Variants in P2RY12 observed in about 807,000 individuals in gnomAD.
P2RY12 encodes purinergic receptor P2Y12.
In P2RY12, 3 loss-of-function variants were observed where a neutral mutation model predicts 4.5. The ratio of observed to expected loss-of-function variants is 0.67; its 90% CI spans 0.31 to 1.74. P2RY12 has a LOEUF of 1.74. Ranked by LOEUF, P2RY12 falls within the 40% of genes most tolerant of loss-of-function variation. The pLI, the probability that P2RY12 is intolerant of heterozygous loss-of-function variation, is 0.09. For synonymous variants in P2RY12, 148 were observed against 154.1 expected (o/e 0.96, Z 0.29); for missense variants, 356 against 407.8 (o/e 0.87, Z 1.09).
chr3:151,368,137 C>T (rs1371518307), intron 1 of P2RY12: 2 of 1,609,524 alleles, frequency 1.2e-6, no homozygotes, highest in South Asian at 1.1e-5. Context: ...CTTTTCCAAT[C>T]CCCCTTTCCT....
intron 1 of P2RY12, among the ~76,000 whole-genome samples, chr3:151,347,724 AT>A (rs1752704595): frequency 6.6e-6 from 1 of 152,192 alleles, no homozygotes; most frequent in Non-Finnish European, 1.5e-5. Flanking sequence ...TAGCATGTGA[AT>A]TAACAGTAGT....
intron 1 of P2RY12, among the ~76,000 whole-genome samples, chr3:151,349,682 A>G (rs1472473320): frequency 6.6e-6 from 1 of 152,210 alleles, no homozygotes; most frequent in Non-Finnish European, 1.5e-5. Context: ...AGGCTTATGA[A>G]GAGATAACAT....
At chr3:151,382,182 G>A (rs1436724817) in intron 1 of P2RY12, among the ~76,000 whole-genome samples, 4 of 152,006 alleles carry the variant, frequency 2.6e-5, no homozygotes, top group Non-Finnish European at 4.4e-5. Context: ...AGTACCGTGC[G>A]TTCTCTTTAT....
intron 1 of P2RY12, among the ~76,000 whole-genome samples, chr3:151,343,152 T>A (rs1752087542): frequency 6.6e-6 from 1 of 152,150 alleles, no homozygotes; most frequent in East Asian, 1.9e-4. Flanking sequence ...TTCAATAAAA[T>A]AAGGACCATA....
intron 1 of P2RY12, among the ~76,000 whole-genome samples, chr3:151,366,506 G>A (rs940464819): frequency 6.6e-6 from 1 of 152,202 alleles, no homozygotes; most frequent in Admixed American, 6.5e-5. Context: ...ATGATGAAAA[G>A]ATACCCCTTG....
At chr3:151,373,165 G>A (rs551727499) in intron 1 of P2RY12, among the ~76,000 whole-genome samples, 1 of 151,922 alleles carries the variant, frequency 6.6e-6, no homozygotes, top group Admixed American at 6.6e-5. Context: ...TCATCTATAG[G>A]CCACAGTTCG....
chr3:151,343,167 C>G lies in P2RY12; in HGVS notation c.-179-2407G>C, dbSNP rs540736098. On this transcript the variant is annotated intron_variant, in intron 1 of 2. Coordinates refer to ENST00000302632, the MANE Select transcript of P2RY12 (RefSeq NM_022788.5). ...TTCAATAAAATAAGGACCATACTCT[C>G]CTTTACAGCAAATTGTAAATGCTAA... 7.9e-5 allele frequency among the ~76,000 whole-genome samples: 12 copies of G among 152,272 alleles called. No individual in the cohort carries two copies. The East Asian group carries it at 2.3e-3, about 29-fold the overall frequency.
chr3:151,345,622 A>G (rs1577389181), intron 1 of P2RY12, among the ~76,000 whole-genome samples: 1 of 149,994 alleles, frequency 6.7e-6, no homozygotes, highest in East Asian at 1.9e-4. Context: ...GGTTCAAGCA[A>G]TTTTCCTGCC....
chr3:151,367,163 T>C (rs1755387703), intron 1 of P2RY12, among the ~76,000 whole-genome samples: 1 of 152,128 alleles, frequency 6.6e-6, no homozygotes, highest in African/African-American at 2.4e-5. Flanking sequence ...ACTTTCAGAG[T>C]TGTTTTTAAA....
At chr3:151,339,055 A>T (rs1361856908) in intron 2 of P2RY12, among the ~76,000 whole-genome samples, 196 bp from the exon 3 acceptor site, 1 of 152,200 alleles carries the variant, frequency 6.6e-6, no homozygotes, top group Non-Finnish European at 1.5e-5. Context: ...TCTGCTGAAG[A>T]GAAATGATCT....
chr3:151,372,291 T>C (rs1212985108), intron 1 of P2RY12, among the ~76,000 whole-genome samples: 1 of 152,202 alleles, frequency 6.6e-6, no homozygotes, highest in Non-Finnish European at 1.5e-5. Context: ...CTTAGTGTGA[T>C]TCATAATGGC....
chr3:151,353,908 G>A (rs962874600), intron 1 of P2RY12, among the ~76,000 whole-genome samples: 10 of 152,060 alleles, frequency 6.6e-5, no homozygotes, highest in African/African-American at 1.7e-4. Flanking sequence ...TTGGGAGGCC[G>A]AGGCGGGCGG....
intron 1 of P2RY12, chr3:151,365,752 G>A (rs1755197622): frequency 2.7e-6 from 3 of 1,118,404 alleles, no homozygotes; most frequent in Admixed American, 5.1e-5. Flanking sequence ...AAAATGACTT[G>A]TTTGATGTTA....
chr3:151,357,984 C>T (rs1754131938), intron 1 of P2RY12, among the ~76,000 whole-genome samples: 1 of 152,128 alleles, frequency 6.6e-6, no homozygotes, highest in African/African-American at 2.4e-5. Flanking sequence ...CTTACATAAG[C>T]TGCTTTTTAT....
chr3:151,357,106 T>G, intron 1 of P2RY12: 2 of 917,458 alleles, frequency 2.2e-6, no homozygotes, highest in South Asian at 2.3e-5. Context: ...ATTTAGGGAA[T>G]GTATTTGTAG....
chr3:151,377,948 G>T (rs1025205102), intron 1 of P2RY12: 1 of 1,458,136 alleles, frequency 6.9e-7, no homozygotes, highest in Non-Finnish European at 9.2e-7. Flanking sequence ...TGGAGTTTCT[G>T]TTATAACTGT....
chr3:151,367,114 G>C (rs965973287), intron 1 of P2RY12, among the ~76,000 whole-genome samples: 1 of 60,972 alleles, frequency 1.6e-5, no homozygotes, highest in African/African-American at 1.2e-4. Context: ...TTCCCCCTCT[G>C]TCCTTTTTCT....
At chr3:151,339,264 T>TC (rs36048813) in intron 2 of P2RY12, among the ~76,000 whole-genome samples, 1 of 151,906 alleles carries the variant, frequency 6.6e-6, no homozygotes, top group Non-Finnish European at 1.5e-5. Flanking sequence ...CAGTCACTTT[T>TC]CCCCCCAACG....
intron 1 of P2RY12, among the ~76,000 whole-genome samples, chr3:151,375,710 A>T (rs1756762991): frequency 6.6e-6 from 1 of 152,154 alleles, no homozygotes; most frequent in East Asian, 1.9e-4. Context: ...AGCAAGTTAG[A>T]AAAAACTGAC....
Sources: gnomAD v4.1 joint callset for allele counts (sites outside exome capture counted in the v4.1 genomes callset) on GRCh38, gnomAD v4.1.1 for gene constraint, MANE v1.5 for transcripts, NCBI Gene and HGNC (gene_info 2026-07-23, HGNC 2026-07-21) for gene names.